The following TNRC6C variants were observed in gnomAD, a reference collection of about 807,000 sequenced individuals.
The protein encoded by TNRC6C is trinucleotide repeat containing adaptor 6C.
In TNRC6C, 20 loss-of-function variants were observed where a neutral mutation model predicts 153.7. The observed-to-expected ratio is 0.13, with a 90% confidence interval of 0.09 to 0.19. TNRC6C has a LOEUF of 0.19. Among genes scored for constraint, TNRC6C ranks in the 10% least tolerant of loss-of-function variants. The probability of loss-of-function intolerance (pLI) is 1.00; values close to 1 mark genes in which losing one functional copy is unlikely to be tolerated. For missense variants in TNRC6C, 1,987 were observed against 2,172.0 expected, an observed-to-expected ratio of 0.91 and a Z score of 1.69; for synonymous variants, 811 against 841.4, an observed-to-expected ratio of 0.96 and a Z score of 0.63.
intron 3 of TNRC6C, among the ~76,000 whole-genome samples, chr17:78,060,062 G>C (rs980321441): frequency 6.6e-6 from 1 of 152,116 alleles, no homozygotes; most frequent in Non-Finnish European, 1.5e-5. Flanking sequence ...CCCGTGGTCA[G>C]TTTCTAGAAG....
intron 1 of TNRC6C, among the ~76,000 whole-genome samples, chr17:77,987,919 A>T (rs2071193885): frequency 6.6e-6 from 1 of 152,054 alleles, no homozygotes; most frequent in Non-Finnish European, 1.5e-5. Flanking sequence ...ACCTCAAGTT[A>T]TCCGCCCGCC....
upstream of TNRC6C, among the ~76,000 whole-genome samples, chr17:77,959,079 G>A (rs1304857383): frequency 6.9e-6 from 1 of 143,898 alleles, no homozygotes; most frequent in African/African-American, 2.5e-5. Context: ...CCGCCCACTC[G>A]CCCGCGCCGC....
At chr17:78,101,389 A>G (rs1275148247) in intron 17 of TNRC6C, among the ~76,000 whole-genome samples, 6 of 152,192 alleles carry the variant, frequency 3.9e-5, no homozygotes, top group Non-Finnish European at 8.8e-5. Context: ...ACAAGTCTCT[A>G]GGAAGTTCCA....
At chr17:78,080,193 T>C (rs1050161476) in intron 10 of TNRC6C, among the ~76,000 whole-genome samples, 3 of 152,186 alleles carry the variant, frequency 2.0e-5, no homozygotes, top group Non-Finnish European at 4.4e-5. Context: ...ACGCCTGTAA[T>C]CCCAGCACTT....
At chr17:77,977,080 C>T (rs2071011911) in intron 1 of TNRC6C, among the ~76,000 whole-genome samples, 1 of 150,628 alleles carries the variant, frequency 6.6e-6, no homozygotes, top group South Asian at 2.1e-4. Context: ...CAGATGGTAT[C>T]TATTTTATGG....
chr17:78,069,594 G>T (rs2144268438), intron 5 of TNRC6C, among the ~76,000 whole-genome samples: 1 of 152,032 alleles, frequency 6.6e-6, no homozygotes, highest in South Asian at 2.1e-4. Context: ...CTCACTTTGT[G>T]GCATTTATAC....
intron 1 of TNRC6C, among the ~76,000 whole-genome samples, chr17:77,992,721 C>T (rs903060853): frequency 1.3e-5 from 2 of 152,156 alleles, no homozygotes; most frequent in Non-Finnish European, 2.9e-5. Context: ...ATGACTACGT[C>T]GCCTGTGTGA....
At chr17:77,971,551 G>A (rs1233226573) in intron 1 of TNRC6C, among the ~76,000 whole-genome samples, 1 of 151,974 alleles carries the variant, frequency 6.6e-6, no homozygotes, top group Non-Finnish European at 1.5e-5. Context: ...ATCCAGAACT[G>A]CACCCCTGTT....
In TNRC6C at chr17:78,079,818, G is replaced by T. The variant is rs1469345766; in HGVS notation, c.3357+277G>T. Among the ~76,000 whole-genome samples, 1 of 152,124 alleles carries T rather than the reference G, an allele frequency of 6.6e-6. No individual in the cohort carries two copies. The highest frequency in any genetic ancestry group is 1.5e-5 in the Non-Finnish European group (1 of 68,014). ...TCTTCCTGGTCAGAAGCAATATTGAGGGGGAAGGACCTGCCCAACACACTC... is the reference window on the plus strand; with the variant it reads ...TCTTCCTGGTCAGAAGCAATATTGATGGGGAAGGACCTGCCCAACACACTC... On this transcript the variant is annotated intron_variant, in intron 10 of 19. Coordinates refer to ENST00000301624, the Ensembl canonical transcript of TNRC6C. The surrounding 1 kb of genome is among the most constrained non-coding windows in gnomAD (Gnocchi z 4.3).
intron 11 of TNRC6C, 91 bp downstream of exon 13, chr17:78,083,257 C>A: frequency 6.5e-7 from 1 of 1,546,900 alleles, no homozygotes; most frequent in Non-Finnish European, 8.8e-7. Context: ...TAATGTTTGT[C>A]TTCACGTCAG....
At chr17:77,963,864 A>G (rs1185122181) in intron 1 of TNRC6C, among the ~76,000 whole-genome samples, 1 of 152,244 alleles carries the variant, frequency 6.6e-6, no homozygotes, top group Non-Finnish European at 1.5e-5. Flanking sequence ...TCTTAAGTAT[A>G]TTCCTCTTGT....
At chr17:77,975,086 A>G (rs2070979280) in intron 1 of TNRC6C, among the ~76,000 whole-genome samples, 1 of 152,166 alleles carries the variant, frequency 6.6e-6, no homozygotes, top group African/African-American at 2.4e-5. Context: ...AGGATGAGAA[A>G]AGAAATTTCT....
Position 78,049,608 on chromosome 17 carries a change from T to G in TNRC6C, c.546T>G (p.Asp182Glu), listed in dbSNP as rs1452853587. ...CACAACCTCAGAACCTTAACACTGA[T>G]GGACCAAATAACACTAACCCCATGA... Residue 182 changes from aspartate to glutamate, a missense_variant, in exon 3 of 20, where the codon GAT becomes GAG. Physicochemically the swap from Asp to Glu is conservative, Grantham distance 45. Coordinates refer to ENST00000301624, the Ensembl canonical transcript of TNRC6C. This position sits in a 1 kb window ranked among gnomAD's most constrained non-coding sequence, Gnocchi z 4.1. The G allele has an allele frequency of 6.2e-7, 1 of 1,613,900 alleles. No homozygotes were observed. The highest frequency in any genetic ancestry group is 8.5e-7 in the Non-Finnish European group (1 of 1,179,916).
chr17:78,016,576 A>T (rs2071732453), intron 1 of TNRC6C, among the ~76,000 whole-genome samples: 1 of 152,174 alleles, frequency 6.6e-6, no homozygotes, highest in Non-Finnish European at 1.5e-5. Flanking sequence ...AACCAAATTA[A>T]GGGGGGTGGT....
rs749297392 is a variant in TNRC6C at position 78,049,240 on chromosome 17, T to C, written c.178T>C (p.Ser60Pro). Residue 60 changes from serine to proline, a missense_variant, in exon 3 of 20, where the codon TCT (serine) becomes CCT (proline). Physicochemically the swap from Ser to Pro is moderately conservative, Grantham distance 74 (BLOSUM62 -1). Around this residue, in one of 4 missense-constraint regions of TNRC6C, gnomAD observed 1,052 missense variants for 1,017.0 expected, o/e 1.03. Coordinates refer to ENST00000301624, the Ensembl canonical transcript of TNRC6C. This position sits in a 1 kb window ranked among gnomAD's most constrained non-coding sequence, Gnocchi z 4.1. ...GTGGGGTGTAGCCACAGGCTCCAGC[T>C]CTGGCCTGGCTCACTGCTCTGTCAG... 1 of 1,611,462 alleles carries C rather than the reference T, an allele frequency of 6.2e-7. No homozygotes were observed. The highest frequency in any genetic ancestry group is 1.7e-5 in the Admixed American group (1 of 59,880).
intron 1 of TNRC6C, among the ~76,000 whole-genome samples, chr17:78,013,931 GCCTAAGAGAATAAGAAGGCTTTT>G (rs2143424611): frequency 6.6e-6 from 1 of 152,298 alleles, no homozygotes; most frequent in East Asian, 1.9e-4. Flanking sequence ...GTGCTCTTTT[GCCTAAGAGAATAAGAAGGCTTTT>G]CCAAATCAGT....
At chr17:78,044,509 C>T (rs1280172204) in intron 2 of TNRC6C, among the ~76,000 whole-genome samples, 4 of 152,218 alleles carry the variant, frequency 2.6e-5, no homozygotes, top group African/African-American at 9.6e-5. Flanking sequence ...CGATGACTCA[C>T]ACTAGAATGT....
chr17:78,090,536 G>T (rs778025231), intron 13 of TNRC6C, among the ~76,000 whole-genome samples: 1 of 152,208 alleles, frequency 6.6e-6, no homozygotes, highest in East Asian at 1.9e-4. Flanking sequence ...GGAGGGGGGC[G>T]CTTGTGCTGG....
Position 78,032,035 on chromosome 17 carries a change from C to T in TNRC6C, c.-219+193C>T, listed in dbSNP as rs1212218687. On this transcript the variant is annotated intron_variant, in intron 2 of 19. Transcript: ENST00000301624. Reference sequence around the variant, plus strand: ...CCCTCTATTTATTTACATTATTGGTCATGAGTTTGCAGATGGCATGAGCTA... The same window carrying T: ...CCCTCTATTTATTTACATTATTGGTTATGAGTTTGCAGATGGCATGAGCTA... Among the ~76,000 whole-genome samples the T allele has an allele frequency of 2.0e-5, 3 of 152,106 alleles. No homozygotes were observed. In the East Asian group the frequency reaches 5.8e-4, roughly 29 times the overall value.
Sources: allele counts gnomAD v4.1 joint callset (sites outside exome capture counted in the v4.1 genomes callset), GRCh38; gene constraint gnomAD v4.1.1; regional missense constraint gnomAD v4.1.1; non-coding constraint Gnocchi (gnomAD v3.1); transcripts MANE v1.5; gene names NCBI Gene and HGNC (gene_info 2026-07-23, HGNC 2026-07-21).